GLIS3: variants seen among roughly 807,000 people sequenced by gnomAD.
GLIS3 encodes zinc finger protein GLIS3.
GLIS3 carries 53 observed loss-of-function variants against 78.6 expected under a neutral mutation model. That is an observed-to-expected ratio of 0.67 (90% CI 0.54 to 0.85). The LOEUF is 0.85. Among genes scored for constraint, GLIS3 ranks in the 40% least tolerant of loss-of-function variants. GLIS3 has a pLI of 0.00. For synonymous variants in GLIS3, 684 were observed against 509.9 expected, an observed-to-expected ratio of 1.34 and a Z score of -4.60; for missense variants, 1,703 against 1,231.1, an observed-to-expected ratio of 1.38 and a Z score of -5.74.
intron 2 of GLIS3, among the ~76,000 whole-genome samples, chr9:4,168,668 T>A (rs1335007623): frequency 6.6e-6 from 1 of 152,260 alleles, no homozygotes; most frequent in African/African-American, 2.4e-5. Flanking sequence ...AAGATTTATG[T>A]ATCATTTTCT....
chr9:4,370,125 G>C, the GLIS3 span, among the ~76,000 whole-genome samples: 1 of 144,012 alleles, frequency 6.9e-6, no homozygotes, highest in African/African-American at 2.5e-5. Context: ...CCAGGAGGTG[G>C]AGGTTGCAGT....
intron 9 of GLIS3, among the ~76,000 whole-genome samples, chr9:3,852,494 A>G (rs1819497941): frequency 1.3e-5 from 2 of 152,176 alleles, no homozygotes; most frequent in African/African-American, 4.8e-5. Context: ...ACTCCAGCAA[A>G]CTCGTCCAAC....
rs555396655 is a variant in GLIS3 at position 3,917,427 on chromosome 9, C to T, written c.1983+14933G>A. Among the ~76,000 whole-genome samples, 12 of 152,300 alleles carry T rather than the reference C, an allele frequency of 7.9e-5. No homozygotes were observed. In the South Asian group the frequency reaches 2.5e-3, roughly 32 times the overall value. ...CATTTGAATTGTTCCTCTAAAAACC[C>T]TCCATTGAAATTCATTTTAGAATAT... On this transcript the variant is annotated intron_variant, in intron 6 of 10. Transcript: ENST00000381971.
intron 4 of GLIS3, among the ~76,000 whole-genome samples, chr9:4,012,865 T>G (rs551011721): frequency 4.1e-5 from 6 of 148,030 alleles, no homozygotes; most frequent in Non-Finnish European, 8.9e-5. Flanking sequence ...CTCAACCTTC[T>G]GGGTTCAAGT....
chr9:4,199,886 C>G lies in GLIS3; in HGVS notation c.389-73945G>C, dbSNP rs192799488. 3.9e-5 allele frequency among the ~76,000 whole-genome samples: 6 copies of G among 152,238 alleles called. No homozygotes were observed. In the East Asian group the frequency reaches 1.2e-3, roughly 29 times the overall value. On this transcript the variant is annotated intron_variant, in intron 2 of 10. Transcript: ENST00000381971. Reference sequence around the variant, plus strand: ...CTGCATCTACACAAGGAACATACTCCAAAGCCAACCACATGCTCAGCTATA... The same window carrying G: ...CTGCATCTACACAAGGAACATACTCGAAAGCCAACCACATGCTCAGCTATA...
At chr9:4,284,706 T>G (rs188205447) in intron 2 of GLIS3, among the ~76,000 whole-genome samples, 10 of 150,252 alleles carry the variant, frequency 6.7e-5, no homozygotes, top group Admixed American at 4.6e-4. Context: ...AGCTCAGGAG[T>G]TGGAGACCAG....
At chr9:3,972,391 T>C (rs909741704) in intron 4 of GLIS3, among the ~76,000 whole-genome samples, 1 of 152,176 alleles carries the variant, frequency 6.6e-6, no homozygotes, top group Non-Finnish European at 1.5e-5. Context: ...GAGGAGAGTA[T>C]GGTCACTGCT....
chr9:4,236,225 G>GAAAGGA, intron 2 of GLIS3, among the ~76,000 whole-genome samples: 1 of 103,798 alleles, frequency 9.6e-6, no homozygotes, highest in Non-Finnish European at 2.1e-5. Flanking sequence ...AGAAAGAAAG[G>GAAAGGA]AAAAAAAAGA....
At chr9:3,836,018 T>G (rs1381422193) in intron 9 of GLIS3, among the ~76,000 whole-genome samples, 1 of 152,252 alleles carries the variant, frequency 6.6e-6, no homozygotes, top group African/African-American at 2.4e-5. Context: ...GATGTAATTC[T>G]CTTTTCTGGA....
the GLIS3 span, among the ~76,000 whole-genome samples, chr9:4,415,801 CT>C: frequency 2.0e-5 from 3 of 151,262 alleles, no homozygotes; most frequent in African/African-American, 4.8e-5. Flanking sequence ...TTTAACTTTT[CT>C]TTTTTTTATT....
chr9:3,858,356 A>G (rs1180618516), intron 8 of GLIS3, among the ~76,000 whole-genome samples: 37 of 152,144 alleles, frequency 2.4e-4, no homozygotes, highest in Admixed American at 2.2e-3. Flanking sequence ...GTACTCATCC[A>G]TGGAAGTTCC....
intron 7 of GLIS3, among the ~76,000 whole-genome samples, chr9:3,889,195 G>A (rs1822265892): frequency 6.6e-6 from 1 of 152,152 alleles, no homozygotes; most frequent in African/African-American, 2.4e-5. Context: ...AGCCCCACCT[G>A]TCCTGAGGCA....
chr9:4,277,808 T>C (rs1827165140), intron 2 of GLIS3, among the ~76,000 whole-genome samples: 1 of 152,214 alleles, frequency 6.6e-6, no homozygotes, highest in Admixed American at 6.5e-5. Context: ...TAAAGCTGAT[T>C]TCCCAGACGC....
the GLIS3 span, among the ~76,000 whole-genome samples, chr9:4,396,178 T>A: frequency 1.3e-5 from 2 of 151,654 alleles, no homozygotes; most frequent in African/African-American, 4.8e-5. Flanking sequence ...ATTGGCATGA[T>A]CTCAGCTCAC....
chr9:4,381,803 C>CA, the GLIS3 span, among the ~76,000 whole-genome samples: 1 of 152,190 alleles, frequency 6.6e-6, no homozygotes, highest in Non-Finnish European at 1.5e-5. Context: ...TTATGTCTGG[C>CA]AAGAGGAAGA....
intron 4 of GLIS3, among the ~76,000 whole-genome samples, chr9:4,109,910 T>A (rs1001412283): frequency 1.3e-5 from 2 of 152,188 alleles, no homozygotes; most frequent in Admixed American, 1.3e-4. Flanking sequence ...CAGGATGCAG[T>A]TACCTCCTCT....
At chr9:4,101,029 G>A (rs979676812) in intron 4 of GLIS3, among the ~76,000 whole-genome samples, 10 of 152,062 alleles carry the variant, frequency 6.6e-5, no homozygotes, top group African/African-American at 2.4e-4. Context: ...ATGAAATGAA[G>A]GAAACATAAA....
intron 4 of GLIS3, among the ~76,000 whole-genome samples, chr9:4,095,288 A>G (rs958216296): frequency 2.6e-5 from 4 of 152,202 alleles, no homozygotes; most frequent in African/African-American, 9.7e-5. Flanking sequence ...GTGTCAACTC[A>G]TGCTGTACCA....
chr9:4,158,796 G>A (rs141007228), intron 2 of GLIS3, among the ~76,000 whole-genome samples: 16 of 152,232 alleles, frequency 1.1e-4, no homozygotes, highest in South Asian at 6.2e-4. Flanking sequence ...AAGTGAACAC[G>A]ATAATTTCAA....
Sources: allele counts gnomAD v4.1 joint callset (sites outside exome capture counted in the v4.1 genomes callset), GRCh38; gene constraint gnomAD v4.1.1; transcripts MANE v1.5; gene names NCBI Gene and HGNC (gene_info 2026-07-23, HGNC 2026-07-21).